The following AGMO variants were observed in gnomAD, a reference collection of about 807,000 sequenced individuals.
AGMO encodes the protein alkylglycerol monooxygenase.
AGMO carries 75 observed loss-of-function variants against 60.2 expected under a neutral mutation model. The observed-to-expected ratio is 1.25, with a 90% CI of 1.03 to 1.51. The LOEUF is 1.51. Among genes scored for constraint, AGMO ranks in the 40% most tolerant of loss-of-function variants. The probability of loss-of-function intolerance (pLI) is 0.00; values close to 1 mark genes in which losing one functional copy is unlikely to be tolerated. For synonymous variants in AGMO, 261 were observed against 177.1 expected, an observed-to-expected ratio of 1.47 and a Z score of -3.76; for missense variants, 763 against 525.5, an observed-to-expected ratio of 1.45 and a Z score of -4.42.
chr7:15,426,848 T>C (rs1455845559), intron 4 of AGMO, among the ~76,000 whole-genome samples: 1 of 152,072 alleles, frequency 6.6e-6, no homozygotes, highest in African/African-American at 2.4e-5. Context: ...AGCAATGCAT[T>C]ATGGCATGGT....
intron 12 of AGMO, among the ~76,000 whole-genome samples, chr7:15,236,376 T>C (rs1782419842): frequency 6.6e-6 from 1 of 152,084 alleles, no homozygotes; most frequent in Non-Finnish European, 1.5e-5. Context: ...TTAATGAATT[T>C]GAAGGAGGAC....
intron 3 of AGMO, among the ~76,000 whole-genome samples, chr7:15,465,592 T>TATAC (rs1782262689): frequency 6.8e-6 from 1 of 147,328 alleles, no homozygotes; most frequent in South Asian, 2.1e-4. Flanking sequence ...CGGCTAATTA[T>TATAC]ATATATATAT....
intron 3 of AGMO, among the ~76,000 whole-genome samples, chr7:15,537,464 A>C (rs560560435): frequency 1.2e-4 from 19 of 152,286 alleles, no homozygotes; most frequent in Admixed American, 7.9e-4. Flanking sequence ...AAGTAAGTTA[A>C]AGTTTATAAT....
In AGMO at chr7:15,307,528, T is replaced by A. The variant is rs528514352; in HGVS notation, c.1263+57986A>T. ...AATAAATCAGTAAAGTATACTAGTT[T>A]TTTTTTTCTTATGAAGCCTATAAGA... is the stretch of plus-strand genomic sequence containing the variant. On this transcript the variant is annotated intron_variant, in intron 12 of 12. Transcript: ENST00000342526. Among the ~76,000 whole-genome samples, 188 of 152,140 alleles carry A rather than the reference T, an allele frequency of 1.2e-3. 1 individual carries two copies. Among genetic ancestry groups the A allele is most frequent in the Middle Eastern group, 6.8e-3 (2 of 294 alleles).
intron 3 of AGMO, among the ~76,000 whole-genome samples, chr7:15,462,555 G>A (rs931819518): frequency 1.6e-4 from 24 of 152,066 alleles, no homozygotes; most frequent in African/African-American, 5.6e-4. Context: ...GTTAATAGGC[G>A]TGGCTAAATT....
intron 5 of AGMO, 120 bp from the exon 6 acceptor site, chr7:15,394,299 T>A: frequency 1.3e-6 from 1 of 766,540 alleles, no homozygotes; most frequent in Non-Finnish European, 2.2e-6. Context: ...AGGGTTGGTA[T>A]CAGAGAGTGG....
chr7:15,338,135 TTC>T (rs1781722013), intron 12 of AGMO, among the ~76,000 whole-genome samples: 2 of 152,196 alleles, frequency 1.3e-5, no homozygotes, highest in Admixed American at 6.5e-5. Flanking sequence ...ATTTTATGTT[TTC>T]TCTGTGTAAT....
At chr7:15,164,775 G>A in the AGMO span, among the ~76,000 whole-genome samples, 65 of 152,156 alleles carry the variant, frequency 4.3e-4, no homozygotes, top group African/African-American at 1.5e-3. Context: ...AGAGAAAAGG[G>A]AATGCTTATT....
chr7:15,125,719 A>T, the AGMO span, among the ~76,000 whole-genome samples: 1 of 152,234 alleles, frequency 6.6e-6, no homozygotes, highest in East Asian at 1.9e-4. Flanking sequence ...AGAAGATTCA[A>T]CAATAGTTAC....
At chr7:15,178,214 T>C in the AGMO span, among the ~76,000 whole-genome samples, 1 of 152,296 alleles carries the variant, frequency 6.6e-6, no homozygotes, top group East Asian at 1.9e-4. Context: ...AATAACTCTC[T>C]AAGAAGGGAA....
At chr7:15,314,193 G>A (rs760995467) in intron 12 of AGMO, among the ~76,000 whole-genome samples, 1 of 151,988 alleles carries the variant, frequency 6.6e-6, no homozygotes, top group Non-Finnish European at 1.5e-5. Flanking sequence ...GAGCAGGAGG[G>A]TGTGAGATTT....
intron 10 of AGMO, among the ~76,000 whole-genome samples, chr7:15,379,294 T>C (rs576147750): frequency 6.6e-6 from 1 of 152,020 alleles, no homozygotes; most frequent in African/African-American, 2.4e-5. Context: ...GATTGAGACA[T>C]GAAAAACCAT....
intron 12 of AGMO, among the ~76,000 whole-genome samples, chr7:15,269,325 T>C (rs775170645): frequency 2.0e-5 from 3 of 152,046 alleles, no homozygotes; most frequent in Middle Eastern, 3.2e-3. Context: ...TTAAGGGTGT[T>C]TCCAAAAGAT....
chr7:15,276,505 G>A (rs1465133131), intron 12 of AGMO, among the ~76,000 whole-genome samples: 1 of 151,930 alleles, frequency 6.6e-6, no homozygotes, highest in Non-Finnish European at 1.5e-5. Context: ...TCTGATGACT[G>A]TTTTCCTTGA....
chr7:15,507,858 T>C (rs1783560279), intron 3 of AGMO, among the ~76,000 whole-genome samples: 1 of 152,078 alleles, frequency 6.6e-6, no homozygotes, highest in Non-Finnish European at 1.5e-5. Context: ...TGATACCATG[T>C]CTGAGGTTTG....
intron 10 of AGMO, among the ~76,000 whole-genome samples, chr7:15,374,462 G>A (rs560973168): frequency 6.6e-6 from 1 of 152,002 alleles, no homozygotes; most frequent in Non-Finnish European, 1.5e-5. Context: ...AAAAGCCAAA[G>A]ATTACATTGT....
intron 3 of AGMO, among the ~76,000 whole-genome samples, chr7:15,517,998 C>A (rs997177618): frequency 4.6e-4 from 70 of 152,218 alleles, no homozygotes; most frequent in Middle Eastern, 3.4e-3. Flanking sequence ...AGGGGCATCA[C>A]CATTACTGAG....
At chr7:15,447,773 G>C (rs1351642785) in intron 3 of AGMO, among the ~76,000 whole-genome samples, 9 of 151,728 alleles carry the variant, frequency 5.9e-5, no homozygotes, top group Admixed American at 5.9e-4. Flanking sequence ...GGCTGGTCTT[G>C]AACTCCTAAC....
At chr7:15,453,085 G>A (rs1216047382) in intron 3 of AGMO, among the ~76,000 whole-genome samples, 1 of 151,234 alleles carries the variant, frequency 6.6e-6, no homozygotes, top group African/African-American at 2.5e-5. Flanking sequence ...GAAATGGGAA[G>A]TCATTGCTAA....
Sources: allele counts gnomAD v4.1 joint callset (sites outside exome capture counted in the v4.1 genomes callset), GRCh38; gene constraint gnomAD v4.1.1; transcripts MANE v1.5; gene names NCBI Gene and HGNC (gene_info 2026-07-23, HGNC 2026-07-21).